TMEM132B: variants seen among roughly 807,000 people sequenced by gnomAD.
The protein encoded by TMEM132B is transmembrane protein 132B.
A neutral mutation model predicts 90.8 loss-of-function variants in TMEM132B; 18 were observed. The ratio of observed to expected loss-of-function variants is 0.20; its 90% CI spans 0.14 to 0.29. The LOEUF is 0.29. Ranked by LOEUF, TMEM132B falls within the 10% of genes least tolerant of loss-of-function variation. TMEM132B has a pLI of 1.00. For missense variants in TMEM132B, 1,096 were observed against 1,326.8 expected, an observed-to-expected ratio of 0.83 and a Z score of 2.70; for synonymous variants, 504 against 523.3, an observed-to-expected ratio of 0.96 and a Z score of 0.50.
intron 3 of TMEM132B, among the ~76,000 whole-genome samples, chr12:125,416,124 C>G (rs1315330772): frequency 1.3e-5 from 2 of 152,298 alleles, no homozygotes; most frequent in South Asian, 4.1e-4. Context: ...TGGAAGGCGG[C>G]CTGTCTTCTC....
At chr12:125,294,903 T>G (rs1355307284) in intron 1 of TMEM132B, among the ~76,000 whole-genome samples, 1 of 152,088 alleles carries the variant, frequency 6.6e-6, no homozygotes, top group African/African-American at 2.4e-5. Flanking sequence ...AAATGCAGAA[T>G]GAAAGTGGTG....
chr12:125,341,338 C>T (rs1316920295), intron 1 of TMEM132B, among the ~76,000 whole-genome samples: 7 of 152,048 alleles, frequency 4.6e-5, no homozygotes, highest in Non-Finnish European at 1.0e-4. Context: ...AAAGTTAATA[C>T]ATATAAAATG....
intron 1 of TMEM132B, among the ~76,000 whole-genome samples, chr12:125,218,514 G>A (rs1873488859): frequency 6.6e-6 from 1 of 152,064 alleles, no homozygotes; most frequent in South Asian, 2.1e-4. Flanking sequence ...AAACGCCCAC[G>A]ACATGGCATT....
intron 1 of TMEM132B, among the ~76,000 whole-genome samples, chr12:125,348,918 G>T (rs1368178711): frequency 3.9e-5 from 6 of 152,164 alleles, no homozygotes; most frequent in Non-Finnish European, 4.4e-5. Context: ...GAAGGAGAGA[G>T]TTCTAGAAGT....
chr12:125,434,556 C>T (rs1880643514), intron 3 of TMEM132B, among the ~76,000 whole-genome samples: 1 of 152,138 alleles, frequency 6.6e-6, no homozygotes, highest in Non-Finnish European at 1.5e-5. Flanking sequence ...CTCCCCATCC[C>T]AGCCTCAGTG....
chr12:125,394,048 A>G (rs1462445650), intron 2 of TMEM132B, among the ~76,000 whole-genome samples: 1 of 152,204 alleles, frequency 6.6e-6, no homozygotes, highest in Non-Finnish European at 1.5e-5. Flanking sequence ...GCAAACAGAG[A>G]ACAACCCATA....
chr12:125,208,387 A>G (rs1040368408), intron 1 of TMEM132B, among the ~76,000 whole-genome samples: 4 of 152,208 alleles, frequency 2.6e-5, no homozygotes, highest in African/African-American at 9.6e-5. Context: ...ACCTTTAGCT[A>G]GTTACAAAAC....
intron 2 of TMEM132B, among the ~76,000 whole-genome samples, chr12:125,385,004 C>T (rs1878788087): frequency 6.6e-6 from 1 of 152,184 alleles, no homozygotes; most frequent in South Asian, 2.1e-4. Context: ...TCAGCTCCCC[C>T]AGACCCTGAT....
intron 1 of TMEM132B, among the ~76,000 whole-genome samples, chr12:125,325,288 G>A (rs1024179872): frequency 1.3e-5 from 2 of 152,112 alleles, no homozygotes; most frequent in African/African-American, 4.8e-5. Context: ...AAACAGGAGC[G>A]TTTGATGCCC....
intron 2 of TMEM132B, among the ~76,000 whole-genome samples, chr12:125,386,323 G>A (rs1204675658): frequency 1.3e-5 from 2 of 152,158 alleles, no homozygotes. Flanking sequence ...AGTCTAGATG[G>A]ACGCATGGTG....
chr12:125,653,406 G>A (rs1047180130), intron 8 of TMEM132B, among the ~76,000 whole-genome samples, 159 bp from the exon 9 acceptor site: 9 of 152,058 alleles, frequency 5.9e-5, no homozygotes, highest in South Asian at 4.2e-4. Context: ...TATTGATGCC[G>A]GTTCAACCAG....
chr12:125,613,703 A>G (rs947725161), intron 5 of TMEM132B, among the ~76,000 whole-genome samples: 4 of 151,990 alleles, frequency 2.6e-5, no homozygotes, highest in Admixed American at 2.0e-4. Flanking sequence ...CGTTTGTGCT[A>G]TATTTGTTAT....
At chr12:125,250,561 T>C (rs2136101655) in intron 1 of TMEM132B, among the ~76,000 whole-genome samples, 1 of 152,356 alleles carries the variant, frequency 6.6e-6, no homozygotes, top group Middle Eastern at 3.4e-3. Flanking sequence ...CTCAGGCTTA[T>C]CACCAATTCC....
At chr12:125,497,581 G>A (rs1882593922) in intron 3 of TMEM132B, among the ~76,000 whole-genome samples, 1 of 152,168 alleles carries the variant, frequency 6.6e-6, no homozygotes, top group Non-Finnish European at 1.5e-5. Flanking sequence ...TGAACCCTCG[G>A]TAAGTGTTGA....
At chr12:125,289,920 A>G (rs1228774710) in intron 1 of TMEM132B, among the ~76,000 whole-genome samples, 1 of 152,198 alleles carries the variant, frequency 6.6e-6, no homozygotes, top group East Asian at 1.9e-4. Context: ...CTTTTGGACA[A>G]TTTATCCCCT....
At chr12:125,447,280 C>T (rs1231991491) in intron 3 of TMEM132B, among the ~76,000 whole-genome samples, 1 of 148,208 alleles carries the variant, frequency 6.7e-6, no homozygotes, top group Non-Finnish European at 1.5e-5. Flanking sequence ...GTATTTATTT[C>T]TGTTTTTTTT....
intron 1 of TMEM132B, among the ~76,000 whole-genome samples, chr12:125,306,813 TC>T (rs1875982337): frequency 1.3e-5 from 2 of 152,348 alleles, no homozygotes; most frequent in African/African-American, 4.8e-5. Context: ...GTGATGTCCA[TC>T]TCATTCCAAG....
At chr12:125,485,477 G>A (rs1882176074) in intron 3 of TMEM132B, among the ~76,000 whole-genome samples, 3 of 152,204 alleles carry the variant, frequency 2.0e-5, no homozygotes, top group Middle Eastern at 3.4e-3. Flanking sequence ...AATTAGATGG[G>A]ACAAATTCTC....
chr12:125,311,380 C>A (rs1371635972), intron 1 of TMEM132B, among the ~76,000 whole-genome samples: 3 of 152,206 alleles, frequency 2.0e-5, no homozygotes, highest in Non-Finnish European at 4.4e-5. Flanking sequence ...GAAAGTCATA[C>A]TTTCCCAGAA....
Sources: allele counts gnomAD v4.1 joint callset (sites outside exome capture counted in the v4.1 genomes callset), GRCh38; gene constraint gnomAD v4.1.1; transcripts MANE v1.5; gene names NCBI Gene and HGNC (gene_info 2026-07-23, HGNC 2026-07-21).